ARHGAP6: variants seen among roughly 807,000 people sequenced by gnomAD.
The protein encoded by ARHGAP6 is Rho GTPase activating protein 6, also known as rho GTPase-activating protein 6.
A neutral mutation model predicts 55.7 loss-of-function variants in ARHGAP6; 16 were observed. The ratio of observed to expected loss-of-function variants is 0.29; its 90% CI spans 0.19 to 0.44. ARHGAP6 has a LOEUF of 0.44. Ranked by LOEUF, ARHGAP6 falls within the 20% of genes least tolerant of loss-of-function variation. ARHGAP6 has a pLI of 1.00. For missense variants in ARHGAP6, 698 were observed against 808.9 expected, an observed-to-expected ratio of 0.86 and a Z score of 1.66; for synonymous variants, 382 against 360.9, an observed-to-expected ratio of 1.06 and a Z score of -0.66.
At chrX:11,268,777 C>T (rs913884882) in intron 1 of ARHGAP6, among the ~76,000 whole-genome samples, 46 of 111,238 alleles carry the variant, frequency 4.1e-4, no homozygotes, top group African/African-American at 1.4e-3. Flanking sequence ...TTCAAGCCCG[C>T]CTGGCTCTAT....
rs764153884 is a variant in ARHGAP6 at position 11,294,782 on chromosome X, T to C, written c.589-40075A>G. 8.3e-6 allele frequency: 10 copies of C among 1,211,488 alleles called. No homozygotes were observed. In the Admixed American group the frequency reaches 1.3e-4, roughly 16 times the overall value. On this transcript the variant is annotated intron_variant, in intron 1 of 12. Coordinates refer to ENST00000337414, the MANE Select transcript of ARHGAP6 (RefSeq NM_013427.3). Reference sequence around the variant, plus strand: ...GATGTTGACTTACATTTCAGAACCATCAAGAAATGGGGACCTGGATTTTAT... The same window carrying C: ...GATGTTGACTTACATTTCAGAACCACCAAGAAATGGGGACCTGGATTTTAT...
intron 1 of ARHGAP6, among the ~76,000 whole-genome samples, chrX:11,604,074 G>A (rs1427179170): frequency 9.0e-6 from 1 of 111,172 alleles, no homozygotes; most frequent in Non-Finnish European, 1.9e-5. Flanking sequence ...CAGCAACATC[G>A]GGAGACCAGA....
chrX:11,393,051 T>C (rs1189452376), intron 1 of ARHGAP6, among the ~76,000 whole-genome samples: 6 of 111,520 alleles, frequency 5.4e-5, no homozygotes, highest in Non-Finnish European at 1.1e-4. Context: ...GTCAGTTAGT[T>C]TGTATTACTG....
At chrX:11,265,788 TA>T in intron 1 of ARHGAP6, 1 of 928,687 alleles carries the variant, frequency 1.1e-6, no homozygotes, top group Non-Finnish European at 1.3e-6. Flanking sequence ...ATTTTTTTGG[TA>T]AAAAATGCAT....
At chrX:11,333,464 T>C (rs928806086) in intron 1 of ARHGAP6, among the ~76,000 whole-genome samples, 4 of 111,982 alleles carry the variant, frequency 3.6e-5, no homozygotes, top group African/African-American at 1.3e-4. Context: ...TGCTGAACCA[T>C]GAGTCAATTA....
At chrX:11,641,611 A>G (rs1341982306) in intron 1 of ARHGAP6, among the ~76,000 whole-genome samples, 1 of 112,080 alleles carries the variant, frequency 8.9e-6, no homozygotes, top group Non-Finnish European at 1.9e-5. Context: ...AGAGAAGAAT[A>G]AACAGTTTAA....
intron 1 of ARHGAP6, among the ~76,000 whole-genome samples, chrX:11,259,124 C>T (rs1371601477): frequency 9.0e-6 from 1 of 111,543 alleles, no homozygotes; most frequent in African/African-American, 3.3e-5. Flanking sequence ...CTATCCCCAC[C>T]TCCCCTGATC....
rs147029312 is a variant in ARHGAP6 at position 11,213,784 on chromosome X, A to G, written c.749-16788T>C. 2.3e-3 allele frequency among the ~76,000 whole-genome samples: 258 copies of G among 111,799 alleles called. 2 individuals are homozygous for G. The highest frequency in any genetic ancestry group is 4.6e-3 in the Middle Eastern group (1 of 218). On this transcript the variant is annotated intron_variant, in intron 2 of 12. Transcript: ENST00000337414. ...GTTGAGAAATTACTTAAAGGATACA[A>G]TGTACATTATTCAGGTGATGGGAAC...
intron 1 of ARHGAP6, among the ~76,000 whole-genome samples, chrX:11,547,197 A>G (rs2051220246): frequency 8.9e-6 from 1 of 112,577 alleles, no homozygotes; most frequent in African/African-American, 3.2e-5. Flanking sequence ...AATGTGCTAG[A>G]TTCTTCATAG....
chrX:11,510,425 G>A (rs896506581), intron 1 of ARHGAP6, among the ~76,000 whole-genome samples: 7 of 111,092 alleles, frequency 6.3e-5, no homozygotes, highest in Admixed American at 9.6e-5. Flanking sequence ...TTGGCCATGC[G>A]ATAGTATGGA....
At chrX:11,555,331 A>T (rs1452072159) in intron 1 of ARHGAP6, among the ~76,000 whole-genome samples, 3 of 111,717 alleles carry the variant, frequency 2.7e-5, no homozygotes, top group Non-Finnish European at 5.6e-5. Context: ...AATGCTTAAT[A>T]CGTAAATATT....
intron 2 of ARHGAP6, chrX:11,225,857 T>A (rs1224634540): frequency 4.3e-6 from 1 of 233,609 alleles, no homozygotes; most frequent in Non-Finnish European, 8.0e-6. Flanking sequence ...AAAGACCTTT[T>A]TTTTTGATCA....
intron 1 of ARHGAP6, among the ~76,000 whole-genome samples, chrX:11,390,901 T>G (rs1381281598): frequency 8.9e-6 from 1 of 112,050 alleles, no homozygotes; most frequent in African/African-American, 3.2e-5. Context: ...TGGAAGACAG[T>G]GTGGTGATTC....
chrX:11,566,323 T>C (rs1371359145), intron 1 of ARHGAP6, among the ~76,000 whole-genome samples: 3 of 112,051 alleles, frequency 2.7e-5, no homozygotes, highest in Non-Finnish European at 5.6e-5. Flanking sequence ...TTCCATTACA[T>C]GAGAATGTGG....
At chrX:11,210,500 G>C (rs1424172514) in intron 2 of ARHGAP6, among the ~76,000 whole-genome samples, 1 of 112,510 alleles carries the variant, frequency 8.9e-6, no homozygotes, top group Non-Finnish European at 1.9e-5. Flanking sequence ...AACTTGAAAA[G>C]AATGATAATT....
chrX:11,484,046 G>T (rs930640091), intron 1 of ARHGAP6, among the ~76,000 whole-genome samples: 4 of 112,001 alleles, frequency 3.6e-5, no homozygotes, highest in African/African-American at 1.3e-4. Flanking sequence ...ATTTCAAATT[G>T]TAAAGTGCCT....
At chrX:11,443,641 A>G (rs1219775311) in intron 1 of ARHGAP6, among the ~76,000 whole-genome samples, 1 of 112,435 alleles carries the variant, frequency 8.9e-6, no homozygotes, top group Non-Finnish European at 1.9e-5. Context: ...TTAAATTAAC[A>G]TTTCCTACCA....
intron 1 of ARHGAP6, among the ~76,000 whole-genome samples, chrX:11,300,185 C>G (rs1025495635): frequency 1.8e-5 from 2 of 111,731 alleles, no homozygotes; most frequent in Non-Finnish European, 3.8e-5. Context: ...GTGCTCACAT[C>G]TTGACAAAGC....
At chrX:11,371,248 A>C (rs1236792189) in intron 1 of ARHGAP6, among the ~76,000 whole-genome samples, 1 of 111,897 alleles carries the variant, frequency 8.9e-6, no homozygotes, top group African/African-American at 3.2e-5. Context: ...TTTATCCTCT[A>C]AGCAAGGGTC....
Sources: gnomAD v4.1 joint callset for allele counts (sites outside exome capture counted in the v4.1 genomes callset) on GRCh38, gnomAD v4.1.1 for gene constraint, MANE v1.5 for transcripts, NCBI Gene and HGNC (gene_info 2026-07-23, HGNC 2026-07-21) for gene names.